Variants in ATXN7L1 observed in about 807,000 individuals in gnomAD.
ATXN7L1 encodes the protein ataxin 7 like 1.
A neutral mutation model predicts 70.8 loss-of-function variants in ATXN7L1; 15 were observed. That is an observed-to-expected ratio of 0.21 (90% CI 0.14 to 0.33). The LOEUF is 0.33. Among genes scored for constraint, ATXN7L1 ranks in the 10% least tolerant of loss-of-function variants. The pLI, the probability that ATXN7L1 is intolerant of heterozygous loss-of-function variation, is 1.00. For synonymous variants in ATXN7L1, 440 were observed against 445.1 expected, an observed-to-expected ratio of 0.99 and a Z score of 0.14; for missense variants, 975 against 1,097.1, an observed-to-expected ratio of 0.89 and a Z score of 1.57.
intron 3 of ATXN7L1, among the ~76,000 whole-genome samples, chr7:105,761,682 G>C (rs908701703): frequency 1.4e-4 from 21 of 152,096 alleles, no homozygotes; most frequent in Admixed American, 7.2e-4. Flanking sequence ...TCTCCTAGTA[G>C]AAAGCAGTTT....
At chr7:105,792,607 G>T (rs527562476) in intron 2 of ATXN7L1, among the ~76,000 whole-genome samples, 1 of 152,324 alleles carries the variant, frequency 6.6e-6, no homozygotes, top group East Asian at 1.9e-4. Context: ...AACGTTCGGT[G>T]CACAGTTAAA....
At chr7:105,612,262 C>G (rs374536583) in intron 10 of ATXN7L1, among the ~76,000 whole-genome samples, 1 of 152,194 alleles carries the variant, frequency 6.6e-6, no homozygotes, top group Non-Finnish European at 1.5e-5. Context: ...CCTTGGTTCA[C>G]CCATCTGTAA....
chr7:105,811,742 G>C (rs1456257291), intron 2 of ATXN7L1, among the ~76,000 whole-genome samples: 1 of 152,196 alleles, frequency 6.6e-6, no homozygotes, highest in South Asian at 2.1e-4. Flanking sequence ...ACTGGGAGAA[G>C]CAGAAACTGG....
At chr7:105,648,864 C>T (rs1158260234) in intron 4 of ATXN7L1, among the ~76,000 whole-genome samples, 1 of 144,760 alleles carries the variant, frequency 6.9e-6, no homozygotes, top group Non-Finnish European at 1.5e-5. Flanking sequence ...CTAACCCCTG[C>T]TTTCACAGTA....
At chr7:105,729,894 C>T (rs574977743) in intron 3 of ATXN7L1, among the ~76,000 whole-genome samples, 93 of 152,188 alleles carry the variant, frequency 6.1e-4, no homozygotes, top group African/African-American at 2.1e-3. Context: ...CCTGCCACCA[C>T]GCCCAGCTAA....
In ATXN7L1 at chr7:105,727,740, A is replaced by G. The variant is rs866660066; in HGVS notation, c.355+60864T>C. Reference sequence around the variant, plus strand: ...TTTTTCCATAGGGGTGTGTGTGTGTATGTGTGTATATATATATATATATAT... The same window carrying G: ...TTTTTCCATAGGGGTGTGTGTGTGTGTGTGTGTATATATATATATATATAT... On this transcript the variant is annotated intron_variant, in intron 3 of 11. Coordinates refer to ENST00000419735, the MANE Select transcript of ATXN7L1 (RefSeq NM_020725.2). 3.9e-3 allele frequency among the ~76,000 whole-genome samples: 279 copies of G among 70,836 alleles called. 7 individuals carry two copies. Among genetic ancestry groups the G allele is most frequent in the African/African-American group, 0.019 (234 of 12,610 alleles). The allele number at this position is 70,836 out of a possible 152,430, so 46.5% of individuals were successfully genotyped here.
intron 4 of ATXN7L1, among the ~76,000 whole-genome samples, chr7:105,656,299 G>C (rs1036664007): frequency 1.3e-5 from 2 of 152,222 alleles, no homozygotes; most frequent in African/African-American, 4.8e-5. Context: ...ACTCCTTCTT[G>C]ATTCTTATGT....
chr7:105,769,881 C>T (rs1199064634), intron 3 of ATXN7L1, among the ~76,000 whole-genome samples: 2 of 152,206 alleles, frequency 1.3e-5, no homozygotes, highest in African/African-American at 4.8e-5. Context: ...TTTCCTGCAT[C>T]AGATTGTCAC....
At chr7:105,788,345 A>G (rs1804627468) in intron 3 of ATXN7L1, 2 of 413,152 alleles carry the variant, frequency 4.8e-6, no homozygotes, top group African/African-American at 4.0e-5. Context: ...TAGGCTGGGC[A>G]GATGGCTTCA....
intron 3 of ATXN7L1, among the ~76,000 whole-genome samples, chr7:105,733,581 CCCATCCAT>C (rs1234937909): frequency 1.5e-4 from 3 of 20,122 alleles, no homozygotes; most frequent in African/African-American, 1.5e-4. Flanking sequence ...CATCCATCCA[CCCATCCAT>C]CCATCCATCC....
intron 4 of ATXN7L1, among the ~76,000 whole-genome samples, chr7:105,651,661 A>C (rs923588307): frequency 1.3e-5 from 2 of 152,226 alleles, no homozygotes; most frequent in African/African-American, 4.8e-5. Context: ...AGGACCTGTC[A>C]GCCCTACTTC....
intron 2 of ATXN7L1, among the ~76,000 whole-genome samples, chr7:105,858,523 C>T (rs1225743649): frequency 6.6e-6 from 1 of 152,182 alleles, no homozygotes; most frequent in Non-Finnish European, 1.5e-5. Flanking sequence ...TTTTGGGGGA[C>T]AGGATATTCA....
intron 2 of ATXN7L1, among the ~76,000 whole-genome samples, chr7:105,871,621 A>C (rs1459018046): frequency 3.3e-5 from 5 of 152,020 alleles, no homozygotes; most frequent in African/African-American, 9.7e-5. Context: ...GAGAAAGGAG[A>C]ATCGCTTGAA....
chr7:105,854,368 T>C (rs867304253), intron 2 of ATXN7L1, among the ~76,000 whole-genome samples: 1 of 151,674 alleles, frequency 6.6e-6, no homozygotes, highest in Middle Eastern at 3.4e-3. Context: ...CTGTGGGAGT[T>C]CTGGAGGCTG....
chr7:105,726,461 G>A (rs1009648138), intron 3 of ATXN7L1, among the ~76,000 whole-genome samples: 2 of 152,152 alleles, frequency 1.3e-5, no homozygotes, highest in African/African-American at 4.8e-5. Flanking sequence ...AGAGTCTGAG[G>A]TGATGGCTGG....
At chr7:105,806,733 C>T (rs1056878475) in intron 2 of ATXN7L1, among the ~76,000 whole-genome samples, 1 of 151,992 alleles carries the variant, frequency 6.6e-6, no homozygotes, top group Non-Finnish European at 1.5e-5. Flanking sequence ...GAGGAACGCT[C>T]GCAGAGGGAG....
intron 2 of ATXN7L1, among the ~76,000 whole-genome samples, chr7:105,846,476 G>T (rs576363610): frequency 1.3e-5 from 2 of 152,284 alleles, no homozygotes; most frequent in South Asian, 4.1e-4. Flanking sequence ...ACAAATGTTG[G>T]TAAGGATATA....
At chr7:105,737,882 G>C (rs1353324498) in intron 3 of ATXN7L1, among the ~76,000 whole-genome samples, 3 of 152,306 alleles carry the variant, frequency 2.0e-5, no homozygotes, top group East Asian at 1.9e-4. Context: ...GAGTGGCCCA[G>C]AGACTTGGGG....
rs1354449287 is a variant in ATXN7L1, at chr7:105,638,534, C to T, written c.1021G>A (p.Ala341Thr). 3.4e-5 allele frequency: 53 copies of T among 1,552,160 alleles called. No individual in the cohort carries two copies. Among genetic ancestry groups the T allele is most frequent in the Non-Finnish European group, 4.6e-5 (53 of 1,147,092 alleles). ...QFDLLLAEHKAKSREKEVKDK... is the reference protein window; with the variant it reads ...QFDLLLAEHKTKSREKEVKDK... ...TTAACTTCTTTTTCCCGGGACTTTG[C>T]TTTGTGTTCTGCCAGGAGGAGGTCA... Residue 341 changes from alanine (A) to threonine (T), a missense_variant, in exon 7 of 12, where the codon GCA becomes ACA. Transcript: ENST00000419735.
Sources: allele counts gnomAD v4.1 joint callset (sites outside exome capture counted in the v4.1 genomes callset), GRCh38; gene constraint gnomAD v4.1.1; transcripts MANE v1.5; gene names NCBI Gene and HGNC (gene_info 2026-07-23, HGNC 2026-07-21).